The following STOX2 variants were observed in gnomAD, a reference collection of about 807,000 sequenced individuals.
STOX2 encodes the protein storkhead box 2, also known as storkhead-box protein 2.
Under a neutral mutation model 60.9 loss-of-function variants are expected in STOX2, and 28 were observed. The ratio of observed to expected loss-of-function variants is 0.46; its 90% CI spans 0.34 to 0.63. The LOEUF (loss-of-function observed/expected upper bound fraction) is 0.63, where lower values mean the gene tolerates loss of function less well. STOX2 is among the 30% of genes least tolerant of loss of function. The pLI, the probability that STOX2 is intolerant of heterozygous loss-of-function variation, is 0.01. For missense variants in STOX2, 1,024 were observed against 1,187.7 expected (o/e 0.86, Z 2.03); for synonymous variants, 472 against 463.9 (o/e 1.02, Z -0.22).
chr4:183,832,199 A>T (rs1487018825), intron 1 of STOX2, among the ~76,000 whole-genome samples: 2 of 151,652 alleles, frequency 1.3e-5, no homozygotes, highest in Non-Finnish European at 1.5e-5. Flanking sequence ...CATGTTGGCC[A>T]GGCTGGTCTC....
chr4:183,839,166 A>C (rs1319939467), intron 1 of STOX2, among the ~76,000 whole-genome samples: 1 of 152,142 alleles, frequency 6.6e-6, no homozygotes, highest in African/African-American at 2.4e-5. Context: ...CCTTGGAGGA[A>C]GTCAGTCTTT....
chr4:183,935,378 A>T (rs1036630683), intron 1 of STOX2, among the ~76,000 whole-genome samples: 1 of 152,236 alleles, frequency 6.6e-6, no homozygotes, highest in Non-Finnish European at 1.5e-5. Context: ...GGAAGATCGT[A>T]TTTAGGTTTG....
intron 1 of STOX2, among the ~76,000 whole-genome samples, chr4:183,975,983 G>C (rs1732430242): frequency 6.6e-6 from 1 of 152,174 alleles, no homozygotes; most frequent in Non-Finnish European, 1.5e-5. Context: ...TGACCGAGTG[G>C]ATTTAGGCTT....
chr4:183,819,363 C>T (rs1039233958), intron 1 of STOX2, among the ~76,000 whole-genome samples: 6 of 151,876 alleles, frequency 4.0e-5, no homozygotes, highest in Non-Finnish European at 7.4e-5. Context: ...GCCAACACAG[C>T]GAAACCCCGT....
chr4:183,847,590 GGA>G (rs1740016989), intron 1 of STOX2, among the ~76,000 whole-genome samples: 2 of 152,178 alleles, frequency 1.3e-5, no homozygotes, highest in African/African-American at 4.8e-5. Flanking sequence ...TCCAGCACTA[GGA>G]ACCATCACCA....
intron 1 of STOX2, among the ~76,000 whole-genome samples, chr4:183,873,446 CAAAAAAAAA>C (rs11453864): frequency 8.9e-6 from 1 of 112,262 alleles, no homozygotes; most frequent in Non-Finnish European, 1.8e-5. Context: ...AACTCTGTCT[CAAAAAAAAA>C]AAAAAAAAAG....
intron 1 of STOX2, among the ~76,000 whole-genome samples, chr4:183,820,576 CT>C (rs1739283055): frequency 6.6e-6 from 1 of 152,238 alleles, no homozygotes; most frequent in East Asian, 1.9e-4. Flanking sequence ...TGTTTTAAAA[CT>C]TTGAGTTTTG....
intron 1 of STOX2, among the ~76,000 whole-genome samples, chr4:183,807,279 CT>C (rs1312008135): frequency 6.6e-6 from 1 of 152,202 alleles, no homozygotes; most frequent in Non-Finnish European, 1.5e-5. Flanking sequence ...GCCTCTGACA[CT>C]TTCATGCTGA....
At chr4:183,894,266 C>T (rs1444975062) in intron 1 of STOX2, among the ~76,000 whole-genome samples, 5 of 152,162 alleles carry the variant, frequency 3.3e-5, no homozygotes, top group African/African-American at 4.8e-5. Flanking sequence ...ATCCTCTGTG[C>T]TTGAAACAGC....
intron 1 of STOX2, among the ~76,000 whole-genome samples, chr4:183,947,195 C>T (rs926794820): frequency 1.3e-5 from 2 of 152,142 alleles, no homozygotes; most frequent in African/African-American, 4.8e-5. Context: ...TCTACATGTG[C>T]TTATAATACC....
chr4:184,009,264 G>A lies in STOX2; in HGVS notation c.426G>A (p.Gln142=), dbSNP rs756692889. The change falls in exon 3 of 4, where the codon CAG becomes CAA. Residue 142 remains glutamine (Q), a synonymous_variant. Transcript: ENST00000308497. This position sits in a 1 kb window ranked among gnomAD's most constrained non-coding sequence, Gnocchi z 4.0. ...ATGGCTACTTCATCGTGACCCCACAGACTTATTTCATAACTCCTTCCCTCA... is the reference window on the plus strand; with the variant it reads ...ATGGCTACTTCATCGTGACCCCACAAACTTATTTCATAACTCCTTCCCTCA... The part of the protein sequence containing the change: ...TPDGYFIVTP[Q]TYFITPSLIR... 1.9e-6 allele frequency: 3 copies of A among 1,610,102 alleles called. No homozygotes were observed. The highest frequency in any genetic ancestry group is 1.3e-5 in the African/African-American group (1 of 74,586).
chr4:183,850,453 G>T (rs1740090853), intron 1 of STOX2, among the ~76,000 whole-genome samples: 1 of 152,076 alleles, frequency 6.6e-6, no homozygotes. Context: ...AAAGGGCTGG[G>T]CATGGTGGCT....
At chr4:183,847,197 G>A (rs1281532463) in intron 1 of STOX2, among the ~76,000 whole-genome samples, 1 of 152,234 alleles carries the variant, frequency 6.6e-6, no homozygotes, top group Non-Finnish European at 1.5e-5. Context: ...TCAGGCAGAA[G>A]TGAGAGCTCA....
At chr4:183,852,212 AGAAAGGATGAGG>A (rs1560846262) in intron 1 of STOX2, among the ~76,000 whole-genome samples, 12 of 12,226 alleles carry the variant, frequency 9.8e-4, no homozygotes, top group African/African-American at 4.0e-3. Context: ...AAAGGATGAG[AGAAAGGATGAGG>A]GAAAGGATGA....
intron 1 of STOX2, among the ~76,000 whole-genome samples, chr4:183,948,219 A>AG (rs70959160): frequency 4.6e-5 from 1 of 21,530 alleles, no homozygotes; most frequent in Non-Finnish European, 1.3e-4. Flanking sequence ...ACTCCATCTC[A>AG]AAAAAAAAAA....
chr4:183,926,622 G>GT (rs1742248284), intron 1 of STOX2, among the ~76,000 whole-genome samples: 4 of 150,424 alleles, frequency 2.7e-5, no homozygotes, highest in African/African-American at 9.8e-5. Flanking sequence ...AGCAAAAGTG[G>GT]GTTTTTTTTT....
At chr4:183,817,527 T>C (rs572013882) in intron 1 of STOX2, among the ~76,000 whole-genome samples, 1 of 152,346 alleles carries the variant, frequency 6.6e-6, no homozygotes, top group East Asian at 1.9e-4. Context: ...GTAGAAAGAC[T>C]GGAAACTCCA....
chr4:183,893,224 T>C (rs1232547366), intron 1 of STOX2, among the ~76,000 whole-genome samples: 1 of 152,186 alleles, frequency 6.6e-6, no homozygotes, highest in East Asian at 1.9e-4. Context: ...TTTCCGCTCG[T>C]ATCTACTGAG....
At chr4:183,935,819 A>G (rs1480924540) in intron 1 of STOX2, among the ~76,000 whole-genome samples, 1 of 152,228 alleles carries the variant, frequency 6.6e-6, no homozygotes, top group Non-Finnish European at 1.5e-5. Context: ...CTTCTCATGC[A>G]GAGATTTCTA....
Sources: gnomAD v4.1 joint callset for allele counts (sites outside exome capture counted in the v4.1 genomes callset) on GRCh38, gnomAD v4.1.1 for gene constraint, Gnocchi (gnomAD v3.1) non-coding constraint, MANE v1.5 for transcripts, NCBI Gene and HGNC (gene_info 2026-07-23, HGNC 2026-07-21) for gene names.